The following ELP4 variants were observed in gnomAD, a reference collection of about 807,000 sequenced individuals.
ELP4 encodes elongator complex protein 4.
Under a neutral mutation model 48.9 loss-of-function variants are expected in ELP4, and 51 were observed. The observed-to-expected ratio is 1.04, with a 90% CI of 0.83 to 1.32. ELP4 has a LOEUF of 1.32. Among genes scored for constraint, ELP4 ranks in the 40% most tolerant of loss-of-function variants. The pLI is 0.00. For synonymous variants in ELP4, 210 were observed against 189.2 expected (o/e 1.11, Z -0.90); for missense variants, 519 against 514.6 (o/e 1.01, Z -0.08).
At chr11:31,577,056 G>A (rs906246396) in intron 3 of ELP4, among the ~76,000 whole-genome samples, 8 of 150,452 alleles carry the variant, frequency 5.3e-5, no homozygotes, top group Non-Finnish European at 1.0e-4. Flanking sequence ...CAAGACTAAC[G>A]AAAAGAAAGA....
chr11:31,579,409 A>G (rs1241638614), intron 3 of ELP4, among the ~76,000 whole-genome samples: 7 of 152,200 alleles, frequency 4.6e-5, no homozygotes, highest in Admixed American at 6.5e-5. Context: ...TAGAAATACC[A>G]TTAGACCCAG....
Position 31,647,844 on chromosome 11 carries a change from A to T in ELP4, c.1031A>T (p.Tyr344Phe). 1 of 1,577,428 alleles carries T rather than the reference A, an allele frequency of 6.3e-7. No individual in the cohort carries two copies. The highest frequency in any genetic ancestry group is 8.7e-7 in the Non-Finnish European group (1 of 1,147,772). ...GAAACTAACCCATTGTATAAGGATT[A>T]TCATGGTAAGTACAACCTTCATAAT... ...ERETNPLYKD[Y>F]HGLIHIRQIP... is the part of the protein sequence containing the mutation. The change falls in exon 8 of 10, where the codon TAT (tyrosine) becomes TTT (phenylalanine). Residue 344 changes from tyrosine (Y) to phenylalanine (F), a missense_variant. Tyr to Phe is a conservative substitution (Grantham distance 22, BLOSUM62 3). Coordinates refer to ENST00000640961, the MANE Select transcript of ELP4 (RefSeq NM_019040.5).
In ELP4 at chr11:31,632,243, A is replaced by T; in HGVS notation, c.765A>T (p.Ile255=). 1.2e-6 allele frequency: 2 copies of T among 1,601,736 alleles called. No homozygotes were observed. The highest frequency in any genetic ancestry group is 1.7e-6 in the Non-Finnish European group (2 of 1,176,706). Reference sequence around the variant, plus strand: ...AAAAACAGAGAAACATTTTAAGAATAGGAATTCAGAATCTTGGCTCACCTT... The same window carrying T: ...AAAAACAGAGAAACATTTTAAGAATTGGAATTCAGAATCTTGGCTCACCTT... ...PQKKQRNILR[I]GIQNLGSPLW... The change falls in exon 7 of 10, where the codon ATA becomes ATT. Residue 255 remains isoleucine (I), a synonymous_variant. Coordinates refer to ENST00000640961, the MANE Select transcript of ELP4 (RefSeq NM_019040.5).
At chr11:31,632,020 TAA>T (rs945526975) in intron 6 of ELP4, among the ~76,000 whole-genome samples, 195 bp from the exon 7 acceptor site, 39 of 152,214 alleles carry the variant, frequency 2.6e-4, no homozygotes, top group African/African-American at 8.7e-4. Context: ...TTTCAAAAGT[TAA>T]AGTTATTTTT....
intron 3 of ELP4, among the ~76,000 whole-genome samples, chr11:31,572,762 G>A (rs148167675): frequency 0.026 from 4,026 of 152,274 alleles, 164 homozygotes; most frequent in African/African-American, 0.091. Flanking sequence ...CACTTTGGGA[G>A]GCCAAGGCAG....
chr11:31,525,896 T>G (rs947575704), intron 2 of ELP4, among the ~76,000 whole-genome samples: 1 of 152,114 alleles, frequency 6.6e-6, no homozygotes, highest in African/African-American at 2.4e-5. Flanking sequence ...AATGGTCTGG[T>G]CTTTTATCTC....
intron 3 of ELP4, among the ~76,000 whole-genome samples, chr11:31,567,028 CTTTA>C (rs1251443556): frequency 4.5e-5 from 6 of 132,768 alleles, no homozygotes; most frequent in East Asian, 2.1e-4. Context: ...TGTAGTACTT[CTTTA>C]TTTATTTTTT....
intron 9 of ELP4, among the ~76,000 whole-genome samples, chr11:31,712,540 C>T (rs1318963176): frequency 6.6e-6 from 1 of 152,002 alleles, no homozygotes; most frequent in African/African-American, 2.4e-5. Context: ...TAAATAAGTA[C>T]ATTTAAAATA....
chr11:31,671,456 A>T (rs184393966), intron 9 of ELP4, among the ~76,000 whole-genome samples: 1 of 152,356 alleles, frequency 6.6e-6, no homozygotes, highest in Admixed American at 6.5e-5. Flanking sequence ...ATTATCAGTC[A>T]TTAAAAGTAA....
chr11:31,515,252 T>G (rs993284959), intron 1 of ELP4, among the ~76,000 whole-genome samples: 11 of 152,136 alleles, frequency 7.2e-5, no homozygotes, highest in Non-Finnish European at 1.6e-4. Context: ...CTTACCTTTT[T>G]GTAAAAGAAG....
chr11:31,663,928 C>T (rs1182358384), intron 9 of ELP4: 1 of 151,890 alleles, frequency 6.6e-6, no homozygotes, highest in Non-Finnish European at 1.5e-5. Flanking sequence ...ATATAAACAC[C>T]AGTGTCCTTA....
intron 9 of ELP4, among the ~76,000 whole-genome samples, chr11:31,657,909 A>G (rs1945471592): frequency 6.6e-6 from 1 of 152,054 alleles, no homozygotes; most frequent in East Asian, 1.9e-4. Flanking sequence ...GACTACTGCA[A>G]GTGCTTAAAG....
rs577038770 is a variant in ELP4 at position 31,786,868 on chromosome 11, G to T, written c.*3344G>T. ...ATTCAGCTCTTATTCTATTCACCTG[G>T]TTTTCCCAAGTCAGTCAAGTTTGGA... On this transcript the variant is annotated 3_prime_UTR_variant, in exon 10 of 10. Transcript: ENST00000640961. 1.4e-5 allele frequency: 3 copies of T among 218,010 alleles called. No homozygotes were observed. Among genetic ancestry groups the T allele is most frequent in the Non-Finnish European group, 2.8e-5 (3 of 108,534 alleles). 13.5% of individuals were successfully genotyped at this position (218,010 alleles called of 1,614,324 possible).
chr11:31,750,115 C>T (rs1418253174), intron 9 of ELP4, among the ~76,000 whole-genome samples: 1 of 151,946 alleles, frequency 6.6e-6, no homozygotes, highest in African/African-American at 2.4e-5. Flanking sequence ...CTGCCTGCCT[C>T]GGCCTCCCAA....
At chr11:31,763,325 A>G in intron 9 of ELP4, 1 of 1,182,252 alleles carries the variant, frequency 8.5e-7, no homozygotes, top group Non-Finnish European at 1.2e-6. Flanking sequence ...AGAAAATGAG[A>G]TGTTAGCTTT....
chr11:31,745,924 C>T (rs1947578481), intron 9 of ELP4, among the ~76,000 whole-genome samples: 1 of 152,064 alleles, frequency 6.6e-6, no homozygotes, highest in African/African-American at 2.4e-5. Flanking sequence ...TTCTGCACAG[C>T]AAAAGAAACT....
chr11:31,603,642 T>A (rs1458345456), intron 4 of ELP4, 126 bp from the exon 5 acceptor site: 1 of 852,812 alleles, frequency 1.2e-6, no homozygotes, highest in Non-Finnish European at 1.8e-6. Context: ...ACTTAGTGTA[T>A]GTATATCCGT....
chr11:31,664,338 T>C (rs1443675943), intron 9 of ELP4: 2 of 152,252 alleles, frequency 1.3e-5, no homozygotes, highest in African/African-American at 2.4e-5. Flanking sequence ...TGGATAATAC[T>C]GAGTGACAAG....
At position 31,637,975 on chromosome 11, in the gene ELP4, T is replaced by G. The variant is rs1202845476; in HGVS notation, c.927+5570T>G. ...TTTTAGTATAATCTGTGGCAAGTTGTTTTTGATTTGTATTTTTTAAGGCAC... is the reference window on the plus strand; with the variant it reads ...TTTTAGTATAATCTGTGGCAAGTTGGTTTTGATTTGTATTTTTTAAGGCAC... On this transcript the variant is annotated intron_variant, in intron 7 of 9. Coordinates refer to ENST00000640961, the MANE Select transcript of ELP4 (RefSeq NM_019040.5). Among the ~76,000 whole-genome samples the G allele has an allele frequency of 2.0e-5, 3 of 152,022 alleles. No homozygotes were observed. In the East Asian group the frequency reaches 5.8e-4, roughly 29 times the overall value.
Sources: allele counts gnomAD v4.1 joint callset (sites outside exome capture counted in the v4.1 genomes callset), GRCh38; gene constraint gnomAD v4.1.1; transcripts MANE v1.5; gene names NCBI Gene and HGNC (gene_info 2026-07-23, HGNC 2026-07-21).